Variants in VPS8 observed in about 807,000 individuals in gnomAD.
The protein encoded by VPS8 is vacuolar protein sorting-associated protein 8 homolog.
In VPS8, 129 loss-of-function variants were observed where a neutral mutation model predicts 216.4. The ratio of observed to expected loss-of-function variants is 0.60; its 90% CI spans 0.52 to 0.69. The LOEUF (loss-of-function observed/expected upper bound fraction) is 0.69. Ranked by LOEUF, VPS8 falls within the 30% of genes least tolerant of loss-of-function variation. The probability of loss-of-function intolerance (pLI) is 0.00; values close to 1 mark genes in which losing one functional copy is unlikely to be tolerated. For missense variants in VPS8, 1,531 were observed against 1,683.5 expected, an observed-to-expected ratio of 0.91 and a Z score of 1.59; for synonymous variants, 571 against 565.4, an observed-to-expected ratio of 1.01 and a Z score of -0.14.
intron 45 of VPS8, among the ~76,000 whole-genome samples, chr3:185,010,085 A>G (rs951669153): frequency 6.6e-6 from 1 of 151,906 alleles, no homozygotes; most frequent in African/African-American, 2.4e-5. Context: ...CCCACCAGCC[A>G]GCCTGGAAAT....
chr3:184,991,320 T>C (rs929240945), intron 42 of VPS8, among the ~76,000 whole-genome samples: 4 of 152,226 alleles, frequency 2.6e-5, no homozygotes, highest in Non-Finnish European at 5.9e-5. Flanking sequence ...CCTCAGCATT[T>C]ATTCATTGCT....
intron 44 of VPS8, among the ~76,000 whole-genome samples, chr3:184,996,715 A>C (rs926351666): frequency 6.6e-6 from 1 of 152,186 alleles, no homozygotes; most frequent in Non-Finnish European, 1.5e-5. Context: ...GAGAAAAATA[A>C]AACACAGGAC....
At chr3:185,028,003 A>G (rs1757627792) in intron 46 of VPS8, among the ~76,000 whole-genome samples, 1 of 152,222 alleles carries the variant, frequency 6.6e-6, no homozygotes, top group Non-Finnish European at 1.5e-5. Flanking sequence ...GCGGTTAACA[A>G]GTCATTTCTT....
At chr3:185,019,687 C>A (rs923684611) in intron 45 of VPS8, among the ~76,000 whole-genome samples, 3 of 152,196 alleles carry the variant, frequency 2.0e-5, no homozygotes, top group Non-Finnish European at 4.4e-5. Context: ...TTCTGGTAAA[C>A]CCACAACCTT....
chr3:184,910,391 G>A (rs1005506318), intron 25 of VPS8, among the ~76,000 whole-genome samples: 6 of 152,196 alleles, frequency 3.9e-5, no homozygotes, highest in Admixed American at 6.5e-5. Flanking sequence ...CTTAGACCCA[G>A]GCCAAAAGCC....
chr3:184,961,618 G>C (rs1167966916), intron 37 of VPS8, among the ~76,000 whole-genome samples: 1 of 151,100 alleles, frequency 6.6e-6, no homozygotes, highest in African/African-American at 2.4e-5. Context: ...TCTATGTTTT[G>C]AATTTTTTCT....
chr3:185,006,895 C>A (rs1205898239), intron 45 of VPS8, among the ~76,000 whole-genome samples: 2 of 152,182 alleles, frequency 1.3e-5, no homozygotes, highest in Non-Finnish European at 2.9e-5. Context: ...TTAACTTTTA[C>A]TTCTTCAGTT....
At chr3:184,985,548 C>T (rs1017617834) in intron 42 of VPS8, among the ~76,000 whole-genome samples, 27 of 152,166 alleles carry the variant, frequency 1.8e-4, no homozygotes, top group African/African-American at 5.1e-4. Context: ...TGCTCTGAAT[C>T]CATATAGGAT....
intron 46 of VPS8, among the ~76,000 whole-genome samples, chr3:185,039,241 T>C (rs1759308743): frequency 6.6e-6 from 1 of 152,142 alleles, no homozygotes; most frequent in African/African-American, 2.4e-5. Context: ...TTTCGTTTTA[T>C]AGTTTTCACC....
At chr3:184,819,016 G>A (rs1716961450) in intron 1 of VPS8, among the ~76,000 whole-genome samples, 1 of 152,034 alleles carries the variant, frequency 6.6e-6, no homozygotes, top group Non-Finnish European at 1.5e-5. Context: ...AAAAAAACTG[G>A]TGCAAGTTTA....
intron 46 of VPS8, among the ~76,000 whole-genome samples, chr3:185,047,118 G>A (rs956366548): frequency 4.6e-5 from 7 of 152,136 alleles, no homozygotes; most frequent in South Asian, 2.1e-4. Flanking sequence ...GCCTGTGCAC[G>A]TTGCTCTGAT....
chr3:184,849,785 G>A (rs996741843), intron 9 of VPS8, 151 bp from the exon 10 acceptor site: 2 of 647,950 alleles, frequency 3.1e-6, no homozygotes, highest in Non-Finnish European at 5.5e-6. Context: ...TGCTTTAATG[G>A]ATCTGCAACC....
chr3:184,921,102 A>G (rs770756273), intron 29 of VPS8, among the ~76,000 whole-genome samples: 1 of 152,050 alleles, frequency 6.6e-6, no homozygotes, highest in African/African-American at 2.4e-5. Flanking sequence ...GTCCTCCTTT[A>G]ATTTGTGACC....
chr3:185,007,783 G>A (rs1029186834), intron 45 of VPS8, among the ~76,000 whole-genome samples: 1 of 152,090 alleles, frequency 6.6e-6, no homozygotes. Flanking sequence ...TGGGGTAAAT[G>A]TACAAATAAT....
chr3:185,009,682 T>C (rs1340575213), intron 45 of VPS8, among the ~76,000 whole-genome samples: 1 of 152,118 alleles, frequency 6.6e-6, no homozygotes, highest in Non-Finnish European at 1.5e-5. Context: ...CAGTGAAAGA[T>C]AGTGACCCCT....
chr3:184,999,920 C>A (rs1934640662), intron 45 of VPS8, 59 bp downstream of exon 45: 3 of 1,510,164 alleles, frequency 2.0e-6, no homozygotes. Flanking sequence ...GTCATTTGGG[C>A]CTGGTCTCAT....
chr3:184,918,887 C>T (rs1016193059), intron 28 of VPS8, among the ~76,000 whole-genome samples: 2 of 152,140 alleles, frequency 1.3e-5, no homozygotes, highest in African/African-American at 4.8e-5. Flanking sequence ...GTCTTCCTAT[C>T]TTCAGTCAGG....
chr3:185,043,369 G>A (rs1712125408), intron 46 of VPS8, among the ~76,000 whole-genome samples: 1 of 152,188 alleles, frequency 6.6e-6, no homozygotes, highest in African/African-American at 2.4e-5. Context: ...ATGGACAACA[G>A]GAAATGAGCT....
In VPS8 at chr3:184,941,136, G is replaced by A. The variant is rs115560226; in HGVS notation, c.3035+893G>A. ...CCATTGAAAACAACTATTTACTTAC[G>A]TTAGCAATTGTAATATCAGCTTTGG... On this transcript the variant is annotated intron_variant, in intron 36 of 47. Coordinates refer to ENST00000625842, the MANE Select transcript of VPS8 (RefSeq NM_001009921.3). Among the ~76,000 whole-genome samples the A allele has an allele frequency of 9.2e-3, 1,363 of 148,534 alleles. 20 individuals carry two copies. Among genetic ancestry groups the A allele is most frequent in the African/African-American group, 0.026 (1,054 of 40,650 alleles).
Sources: gnomAD v4.1 joint callset for allele counts (sites outside exome capture counted in the v4.1 genomes callset) on GRCh38, gnomAD v4.1.1 for gene constraint, MANE v1.5 for transcripts, NCBI Gene and HGNC (gene_info 2026-07-23, HGNC 2026-07-21) for gene names.